TRHDE: variants seen among roughly 807,000 people sequenced by gnomAD.
TRHDE encodes thyrotropin-releasing hormone-degrading ectoenzyme.
TRHDE carries 72 observed loss-of-function variants against 125.7 expected under a neutral mutation model. The observed-to-expected ratio is 0.57, with a 90% CI of 0.47 to 0.70. TRHDE has a LOEUF of 0.70. Ranked by LOEUF, TRHDE falls within the 30% of genes least tolerant of loss-of-function variation. The probability of loss-of-function intolerance (pLI) is 0.00; values close to 1 mark genes in which losing one functional copy is unlikely to be tolerated. For missense variants in TRHDE, 1,110 were observed against 1,327.1 expected (o/e 0.84, Z 2.54); for synonymous variants, 509 against 509.1 (o/e 1.00, Z 0.00).
intron 5 of TRHDE, among the ~76,000 whole-genome samples, chr12:72,488,162 A>C (rs75915239): frequency 0.023 from 3,525 of 152,198 alleles, 135 homozygotes; most frequent in African/African-American, 0.081. Context: ...ATAGTAACCT[A>C]TCAATAATAA....
intron 3 of TRHDE, among the ~76,000 whole-genome samples, chr12:72,414,026 A>C (rs1306248788): frequency 6.6e-6 from 1 of 152,086 alleles, no homozygotes; most frequent in Non-Finnish European, 1.5e-5. Context: ...TTTAGTATTT[A>C]TATAGGCTGC....
chr12:72,443,286 A>C (rs2057304514), intron 3 of TRHDE, among the ~76,000 whole-genome samples: 1 of 150,310 alleles, frequency 6.7e-6, no homozygotes, highest in African/African-American at 2.5e-5. Context: ...TTTTGTTCAT[A>C]ACTTCTTTAT....
intron 15 of TRHDE, among the ~76,000 whole-genome samples, chr12:72,637,519 T>C (rs1873817161): frequency 6.6e-6 from 1 of 152,098 alleles, no homozygotes; most frequent in Non-Finnish European, 1.5e-5. Flanking sequence ...TCTGCTCTGA[T>C]TTTAGTTATT....
chr12:72,160,008 C>A (rs556424586), intron 2 of TRHDE, among the ~76,000 whole-genome samples: 4 of 152,244 alleles, frequency 2.6e-5, no homozygotes, highest in Admixed American at 2.6e-4. Context: ...GAAATTATCT[C>A]CTCCTAATTG....
chr12:72,636,973 G>C (rs892262050), intron 15 of TRHDE, among the ~76,000 whole-genome samples: 31 of 151,990 alleles, frequency 2.0e-4, no homozygotes, highest in African/African-American at 6.5e-4. Context: ...CTCTTTTTTG[G>C]TTGTGTCTCT....
intron 6 of TRHDE, among the ~76,000 whole-genome samples, chr12:72,508,113 G>C (rs1206476125): frequency 1.3e-5 from 2 of 152,224 alleles, no homozygotes; most frequent in Non-Finnish European, 2.9e-5. Flanking sequence ...TCTGCTGCAG[G>C]GGCAGAGCCC....
At chr12:72,617,284 A>C (rs1026189622) in intron 12 of TRHDE, among the ~76,000 whole-genome samples, 1 of 152,128 alleles carries the variant, frequency 6.6e-6, no homozygotes, top group Non-Finnish European at 1.5e-5. Flanking sequence ...CAAAATCGTT[A>C]GAGTGTCACA....
chr12:72,338,910 G>A (rs1028045466), intron 2 of TRHDE, among the ~76,000 whole-genome samples: 6 of 152,072 alleles, frequency 3.9e-5, no homozygotes, highest in African/African-American at 9.7e-5. Flanking sequence ...GCCTTTAAAC[G>A]CTTTCTCTTT....
intron 2 of TRHDE, among the ~76,000 whole-genome samples, chr12:72,242,121 C>T (rs917177674): frequency 6.6e-6 from 1 of 152,170 alleles, no homozygotes. Flanking sequence ...CAGTGTCTTT[C>T]ATAGAACACA....
rs1875133853 is a variant in TRHDE at position 72,666,947 on chromosome 12, T to G, written c.*3752T>G. On this transcript the variant is annotated 3_prime_UTR_variant, in exon 19 of 19. Coordinates refer to ENST00000261180, the MANE Select transcript of TRHDE (RefSeq NM_013381.3). ...TTAAAGTACTGATAATTTGCTTAAT[T>G]TTCAACACAAATTTATCTGACAAAT... 1 of 152,016 alleles carries G rather than the reference T, an allele frequency of 6.6e-6. No homozygotes were observed. The highest frequency in any genetic ancestry group is 1.5e-5 in the Non-Finnish European group (1 of 67,936). 9.4% of individuals were successfully genotyped at this position (152,016 alleles called of 1,614,324 possible). A position where few individuals can be genotyped will look rare whatever the true frequency, so the allele number is the denominator to read the frequency against.
At chr12:72,450,581 A>G (rs992388527) in intron 3 of TRHDE, among the ~76,000 whole-genome samples, 3 of 152,102 alleles carry the variant, frequency 2.0e-5, no homozygotes, top group South Asian at 4.1e-4. Flanking sequence ...GCTATTAACC[A>G]TAGCCACCAT....
chr12:72,519,118 T>C (rs914084462), intron 6 of TRHDE, among the ~76,000 whole-genome samples: 10 of 152,148 alleles, frequency 6.6e-5, no homozygotes, highest in African/African-American at 2.2e-4. Flanking sequence ...CTGACAATTA[T>C]GTGTCTTGGA....
At chr12:72,195,981 G>C (rs1877434183) in intron 2 of TRHDE, among the ~76,000 whole-genome samples, 1 of 152,128 alleles carries the variant, frequency 6.6e-6, no homozygotes, top group Non-Finnish European at 1.5e-5. Context: ...ATTGAATAGG[G>C]AGTGCTTTTC....
chr12:72,233,683 C>T (rs895739645), intron 2 of TRHDE, among the ~76,000 whole-genome samples: 1 of 152,080 alleles, frequency 6.6e-6, no homozygotes, highest in Non-Finnish European at 1.5e-5. Flanking sequence ...ATAAGAAACA[C>T]AAAACCTCAG....
chr12:72,109,514 C>T (rs181197064), intron 2 of TRHDE, among the ~76,000 whole-genome samples: 12 of 152,182 alleles, frequency 7.9e-5, no homozygotes, highest in African/African-American at 2.9e-4. Flanking sequence ...AATGGTATCA[C>T]TAACAACTAG....
At chr12:72,417,008 C>T (rs1873758004) in intron 3 of TRHDE, among the ~76,000 whole-genome samples, 1 of 152,122 alleles carries the variant, frequency 6.6e-6, no homozygotes, top group East Asian at 1.9e-4. Context: ...CATGGAATAT[C>T]TGCCCCTTTT....
chr12:72,409,891 A>G (rs1338358353), intron 3 of TRHDE, among the ~76,000 whole-genome samples: 1 of 152,182 alleles, frequency 6.6e-6, no homozygotes, highest in Non-Finnish European at 1.5e-5. Context: ...GAATAAATAT[A>G]ATTCAAGTGT....
rs1334915253 is a variant in TRHDE at position 72,322,327 on chromosome 12, T to C, written c.1188+35373T>C. On this transcript the variant is annotated intron_variant, in intron 2 of 18. Transcript: ENST00000261180. Reference sequence around the variant, plus strand: ...CTTTCTCATGGTGATTATTTAAGGATTGCTATTTAAAATGGCCCCCAAATG... The same window carrying C: ...CTTTCTCATGGTGATTATTTAAGGACTGCTATTTAAAATGGCCCCCAAATG... Among the ~76,000 whole-genome samples, 7 of 152,230 alleles carry C rather than the reference T, an allele frequency of 4.6e-5. No individual in the cohort carries two copies. In the East Asian group the frequency reaches 1.4e-3, roughly 29 times the overall value.
At chr12:72,224,226 C>T (rs140240948) in intron 2 of TRHDE, among the ~76,000 whole-genome samples, 17 of 144,372 alleles carry the variant, frequency 1.2e-4, no homozygotes, top group Non-Finnish European at 2.1e-4. Flanking sequence ...TCTATCTATG[C>T]ATGTATCTAT....
Sources: allele counts gnomAD v4.1 joint callset (sites outside exome capture counted in the v4.1 genomes callset), GRCh38; gene constraint gnomAD v4.1.1; transcripts MANE v1.5; gene names NCBI Gene and HGNC (gene_info 2026-07-23, HGNC 2026-07-21).